The following YEATS2 variants were observed in gnomAD, a reference collection of about 807,000 sequenced individuals.
YEATS2 encodes YEATS domain-containing protein 2.
YEATS2 carries 77 observed loss-of-function variants against 163.2 expected under a neutral mutation model. The ratio of observed to expected loss-of-function variants is 0.47; its 90% CI spans 0.39 to 0.57. The LOEUF (loss-of-function observed/expected upper bound fraction) is 0.57. Ranked by LOEUF, YEATS2 falls within the 20% of genes least tolerant of loss-of-function variation. The probability of loss-of-function intolerance (pLI) is 0.00; values close to 1 mark genes in which losing one functional copy is unlikely to be tolerated. For synonymous variants in YEATS2, 631 were observed against 645.1 expected (o/e 0.98, Z 0.33); for missense variants, 1,549 against 1,729.8 (o/e 0.90, Z 1.85).
chr3:183,750,782 A>G (rs1483563730), intron 9 of YEATS2, among the ~76,000 whole-genome samples: 1 of 152,136 alleles, frequency 6.6e-6, no homozygotes, highest in Non-Finnish European at 1.5e-5. Context: ...CCATTTTTAA[A>G]TTAGGTGGTT....
At chr3:183,804,997 A>C (rs529802871) in intron 27 of YEATS2, among the ~76,000 whole-genome samples, 124 of 151,746 alleles carry the variant, frequency 8.2e-4, no homozygotes, top group African/African-American at 2.8e-3. Context: ...TCAAAAAAAA[A>C]ACCACACACA....
chr3:183,771,997 G>T (rs1028857123), intron 15 of YEATS2, among the ~76,000 whole-genome samples: 2 of 151,998 alleles, frequency 1.3e-5, no homozygotes, highest in Non-Finnish European at 2.9e-5. Flanking sequence ...AAAGTGCTGG[G>T]ATTACAGGCA....
chr3:183,733,605 CTAAAG>C (rs1718034281), intron 7 of YEATS2, among the ~76,000 whole-genome samples: 1 of 152,178 alleles, frequency 6.6e-6, no homozygotes. Context: ...TGTTAGGTAT[CTAAAG>C]TAATTTAACG....
chr3:183,745,958 A>C (rs1029175406), intron 8 of YEATS2, among the ~76,000 whole-genome samples: 3 of 152,130 alleles, frequency 2.0e-5, no homozygotes, highest in African/African-American at 4.8e-5. Flanking sequence ...CATCCTCCTG[A>C]GTAGTTGGGA....
rs1343022131 is a variant in YEATS2, at chr3:183,812,606, AAATC to A, written c.*2024_*2027del. The A allele has an allele frequency of 3.9e-5, 6 of 152,688 alleles. No individual in the cohort carries two copies. Among genetic ancestry groups the A allele is most frequent in the African/African-American group, 1.4e-4 (6 of 41,472 alleles). The allele number at this position is 152,688 out of a possible 1,614,324, so 9.5% of individuals were successfully genotyped here. ...ATTGTGTAACAAAATTGTCTACAAT[AAATC>A]TTTTGGTATTTGTGGTGGGTGTTTC... On this transcript the variant is annotated 3_prime_UTR_variant, in exon 31 of 31. Transcript: ENST00000305135.
chr3:183,712,270 G>A (rs1715354717), intron 1 of YEATS2, among the ~76,000 whole-genome samples: 1 of 125,186 alleles, frequency 8.0e-6, no homozygotes, highest in South Asian at 2.3e-4. Flanking sequence ...GAGTGCAGTG[G>A]TACAATCTCG....
At position 183,726,421 on chromosome 3, in the gene YEATS2, T is replaced by G. The variant is rs147509364; in HGVS notation, c.650+1890T>G. 2.5e-3 allele frequency among the ~76,000 whole-genome samples: 378 copies of G among 152,360 alleles called. 4 individuals carry two copies. Among genetic ancestry groups the G allele is most frequent in the African/African-American group, 8.9e-3 (369 of 41,584 alleles). On this transcript the variant is annotated intron_variant, in intron 6 of 30. Transcript: ENST00000305135. ...AATTCCTCCAAGCTCCAGAGCCATG[T>G]ACTTGAACAGTATGATCTCAGGCTG...
At chr3:183,737,434 A>G (rs757908516) in intron 8 of YEATS2, among the ~76,000 whole-genome samples, 2 of 152,210 alleles carry the variant, frequency 1.3e-5, no homozygotes, top group Non-Finnish European at 2.9e-5. Flanking sequence ...ACCATCAGAG[A>G]GAGAGAGAAT....
chr3:183,780,713 G>A (rs1723485955), intron 19 of YEATS2, among the ~76,000 whole-genome samples: 2 of 152,192 alleles, frequency 1.3e-5, no homozygotes, highest in Admixed American at 6.5e-5. Context: ...TGCAGTCACA[G>A]AGAAGAATTT....
intron 19 of YEATS2, 110 bp from the exon 20 acceptor site, chr3:183,786,015 T>A: frequency 7.6e-7 from 1 of 1,313,400 alleles, no homozygotes; most frequent in East Asian, 2.4e-5. Flanking sequence ...TTGGTAAGAC[T>A]TTCTTGGTTA....
At chr3:183,713,394 C>T (rs1715473596) in intron 1 of YEATS2, among the ~76,000 whole-genome samples, 1 of 152,108 alleles carries the variant, frequency 6.6e-6, no homozygotes, top group African/African-American at 2.4e-5. Flanking sequence ...GAAACCTTGT[C>T]TATACAGAAA....
chr3:183,717,647 A>T lies in YEATS2; in HGVS notation c.101-4A>T, dbSNP rs1220498310. On this transcript the variant is annotated splice_polypyrimidine_tract_variant and splice_region_variant and intron_variant, in intron 2 of 30. Coordinates refer to ENST00000305135, the MANE Select transcript of YEATS2 (RefSeq NM_018023.5). ...CTTGGATGTATTTTATGTTCTTTGT[A>T]CAGCTCGAGATGCTGCTGTGCAGAA... 2.6e-6 allele frequency: 4 copies of T among 1,556,570 alleles called. No individual in the cohort carries two copies. In the South Asian group the frequency reaches 5.1e-5, roughly 20 times the overall value.
chr3:183,703,011 A>G (rs1017916863), intron 1 of YEATS2, among the ~76,000 whole-genome samples: 6 of 152,140 alleles, frequency 3.9e-5, no homozygotes, highest in Admixed American at 3.3e-4. Context: ...GGCTGACCAT[A>G]TTAGCAAATT....
Position 183,752,157 on chromosome 3 carries a change from C to T in YEATS2, c.1054C>T (p.Pro352Ser), listed in dbSNP as rs1459723544. ...QSSESDISDA[P>S]PSLPLTIPAP... The stretch of plus-strand genomic sequence containing the variant: ...CTCGGAGTCTGACATCTCTGATGCC[C>T]CTCCATCTTTGCCTTTGACCATTCC... Residue 352 changes from proline to serine, a missense_variant, in exon 10 of 31, where the codon CCT becomes TCT. Physicochemically the swap from Pro to Ser is moderately conservative, Grantham distance 74. Transcript: ENST00000305135. The T allele has an allele frequency of 1.9e-6, 3 of 1,614,008 alleles. No individual in the cohort carries two copies. Among genetic ancestry groups the T allele is most frequent in the East Asian group, 2.2e-5 (1 of 44,878 alleles).
At chr3:183,793,009 G>GT in intron 21 of YEATS2, 1 of 657,768 alleles carries the variant, frequency 1.5e-6, no homozygotes, top group Non-Finnish European at 2.2e-6. Context: ...TTTTGTTTTT[G>GT]TTTTTCTATA....
intron 20 of YEATS2, among the ~76,000 whole-genome samples, chr3:183,788,345 G>A (rs1281447372): frequency 6.6e-6 from 1 of 151,954 alleles, no homozygotes; most frequent in East Asian, 1.9e-4. Flanking sequence ...TCTTCTCTCT[G>A]TCTTCATGGG....
Position 183,726,915 on chromosome 3 carries a change from C to T in YEATS2, c.651-1775C>T, listed in dbSNP as rs963992095. Among the ~76,000 whole-genome samples the T allele has an allele frequency of 3.9e-5, 6 of 152,168 alleles. No individual in the cohort carries two copies. The South Asian group carries it at 6.2e-4, about 16-fold the overall frequency. ...CTCCAGGGTTCAAGCGATTCTCCTG[C>T]GTCAGCCTCACAAGTAGTTGGGATT... On this transcript the variant is annotated intron_variant, in intron 6 of 30. Coordinates refer to ENST00000305135, the MANE Select transcript of YEATS2 (RefSeq NM_018023.5).
At chr3:183,778,284 G>T (rs554854946) in intron 19 of YEATS2, among the ~76,000 whole-genome samples, 2 of 152,200 alleles carry the variant, frequency 1.3e-5, no homozygotes, top group African/African-American at 4.8e-5. Context: ...AAAAATCAAG[G>T]TATAAATGTG....
intron 6 of YEATS2, 86 bp from the exon 7 acceptor site, chr3:183,728,604 G>A (rs955771336): frequency 1.6e-6 from 2 of 1,277,338 alleles, no homozygotes; most frequent in African/African-American, 3.0e-5. Context: ...TTTTAACCTT[G>A]TTTTTAAGTT....
Sources: allele counts gnomAD v4.1 joint callset (sites outside exome capture counted in the v4.1 genomes callset), GRCh38; gene constraint gnomAD v4.1.1; transcripts MANE v1.5; gene names NCBI Gene and HGNC (gene_info 2026-07-23, HGNC 2026-07-21).